The following ATF7IP2 variants were observed in gnomAD, a reference collection of about 807,000 sequenced individuals.
The protein encoded by ATF7IP2 is activating transcription factor 7 interacting protein 2.
A neutral mutation model predicts 64.2 loss-of-function variants in ATF7IP2; 42 were observed. That is an observed-to-expected ratio of 0.65 (90% CI 0.51 to 0.85). The LOEUF is 0.85. Among genes scored for constraint, ATF7IP2 ranks in the 40% least tolerant of loss-of-function variants. ATF7IP2 has a pLI of 0.00. For synonymous variants in ATF7IP2, 308 were observed against 272.8 expected (o/e 1.13, Z -1.27); for missense variants, 933 against 784.2 (o/e 1.19, Z -2.27).
chr16:10,453,034 A>G (rs914208679), intron 8 of ATF7IP2, among the ~76,000 whole-genome samples: 2 of 151,992 alleles, frequency 1.3e-5, no homozygotes, highest in African/African-American at 4.8e-5. Flanking sequence ...TGTGGGTGGG[A>G]CCTGCCGAGC....
intron 12 of ATF7IP2, among the ~76,000 whole-genome samples, chr16:10,475,642 G>A (rs1443442693): frequency 7.2e-5 from 10 of 139,490 alleles, no homozygotes; most frequent in South Asian, 2.3e-4. Flanking sequence ...GCAGTGAGCC[G>A]AGATCGCGCC....
chr16:10,421,468 A>G (rs901890697), intron 3 of ATF7IP2, among the ~76,000 whole-genome samples: 13 of 152,228 alleles, frequency 8.5e-5, no homozygotes, highest in Non-Finnish European at 1.6e-4. Context: ...GAATGCCTAC[A>G]GCAGGTTGTA....
rs114325390 is a variant in ATF7IP2 at position 10,457,745 on chromosome 16, T to C, written c.1352+216T>C. On this transcript the variant is annotated intron_variant, in intron 9 of 13. Transcript: ENST00000562102. ...TTTTTGAGATAGGGTCTCACTTTGT[T>C]GTCCAGGCTGGAGTATAGTGGTACA... is the stretch of plus-strand genomic sequence containing the variant. 4.0e-3 allele frequency: 1,438 copies of C among 361,602 alleles called. 16 individuals are homozygous for C. Among genetic ancestry groups the C allele is most frequent in the African/African-American group, 0.028 (1,304 of 46,678 alleles). The allele number at this position is 361,602 out of a possible 1,614,324, so 22.4% of individuals were successfully genotyped here. A position where few individuals can be genotyped will look rare whatever the true frequency, so the allele number is the denominator to read the frequency against.
chr16:10,449,251 G>A (rs2048908769), intron 8 of ATF7IP2: 1 of 152,176 alleles, frequency 6.6e-6, no homozygotes, highest in African/African-American at 2.4e-5. Flanking sequence ...ATGTTCATCA[G>A]GGATATTGGC....
At chr16:10,429,419 C>T (rs996660749) in intron 4 of ATF7IP2, among the ~76,000 whole-genome samples, 11 of 152,340 alleles carry the variant, frequency 7.2e-5, no homozygotes, top group East Asian at 5.8e-4. Context: ...GGCACGATCT[C>T]GGCTCACTGC....
At chr16:10,452,616 G>C (rs2049021871) in intron 8 of ATF7IP2, among the ~76,000 whole-genome samples, 1 of 152,226 alleles carries the variant, frequency 6.6e-6, no homozygotes, top group South Asian at 2.1e-4. Context: ...CTGACATTTA[G>C]CAGAGCTCAA....
At chr16:10,399,848 T>C (rs2047492460) in intron 1 of ATF7IP2, among the ~76,000 whole-genome samples, 1 of 152,198 alleles carries the variant, frequency 6.6e-6, no homozygotes, top group Non-Finnish European at 1.5e-5. Context: ...TTGTGTCAGC[T>C]ACAATTTCTT....
At chr16:10,441,545 G>A (rs948134004) in intron 8 of ATF7IP2, among the ~76,000 whole-genome samples, 1 of 152,280 alleles carries the variant, frequency 6.6e-6, no homozygotes, top group Non-Finnish European at 1.5e-5. Flanking sequence ...CTGCATAAAT[G>A]TCTTCTTTGG....
intron 1 of ATF7IP2, among the ~76,000 whole-genome samples, chr16:10,409,495 A>ATT (rs35989281): frequency 5.4e-4 from 80 of 149,368 alleles, no homozygotes; most frequent in African/African-American, 8.1e-4. Context: ...TCCTTGATCC[A>ATT]TTTTTTTTTT....
intron 3 of ATF7IP2, among the ~76,000 whole-genome samples, chr16:10,428,255 T>C (rs530983066): frequency 6.6e-6 from 1 of 152,228 alleles, no homozygotes; most frequent in Non-Finnish European, 1.5e-5. Context: ...TTCACTTTAT[T>C]ATACTTTGTA....
At chr16:10,433,177 C>A (rs1313322923) in intron 5 of ATF7IP2, among the ~76,000 whole-genome samples, 1 of 152,010 alleles carries the variant, frequency 6.6e-6, no homozygotes, top group Non-Finnish European at 1.5e-5. Context: ...ATTCCTATTT[C>A]CTTCTCTTTT....
intron 9 of ATF7IP2, among the ~76,000 whole-genome samples, chr16:10,471,501 C>T (rs1429582321): frequency 6.6e-6 from 1 of 152,022 alleles, no homozygotes; most frequent in Admixed American, 6.6e-5. Flanking sequence ...GCACTTCAGC[C>T]TGGGGGACAA....
At chr16:10,392,343 T>TC (rs2047343915) in intron 1 of ATF7IP2, among the ~76,000 whole-genome samples, 2 of 151,736 alleles carry the variant, frequency 1.3e-5, no homozygotes, top group South Asian at 4.2e-4. Flanking sequence ...CTGGCCTTTT[T>TC]TTTTTTTTTT....
At chr16:10,465,443 G>A (rs1044375498) in intron 9 of ATF7IP2, among the ~76,000 whole-genome samples, 1 of 151,834 alleles carries the variant, frequency 6.6e-6, no homozygotes, top group African/African-American at 2.4e-5. Flanking sequence ...CCTCCCAGAT[G>A]TGGTTCATTA....
intron 3 of ATF7IP2, among the ~76,000 whole-genome samples, chr16:10,421,145 T>A (rs572493108): frequency 3.9e-5 from 6 of 152,170 alleles, no homozygotes; most frequent in Non-Finnish European, 7.3e-5. Context: ...AATTTAACAA[T>A]CTGAGTTCTC....
At chr16:10,421,093 GC>G (rs2047980333) in intron 3 of ATF7IP2, among the ~76,000 whole-genome samples, 1 of 152,184 alleles carries the variant, frequency 6.6e-6, no homozygotes, top group Admixed American at 6.5e-5. Flanking sequence ...CTGTATTTGT[GC>G]CTTTGTGAGA....
Position 10,433,661 on chromosome 16 carries a change from G to T in ATF7IP2, c.960+12G>T. ...CATTCCTGGAACAGGTAAAATATTG[G>T]GGCTTAAATGGAACTTTTACTTTTG... On this transcript the variant is annotated intron_variant, in intron 6 of 13. Coordinates refer to ENST00000562102, the MANE Select transcript of ATF7IP2 (RefSeq NM_001393719.1). The T allele has an allele frequency of 6.2e-7, 1 of 1,611,058 alleles. No homozygotes were observed.
chr16:10,476,734 C>T (rs951282373), intron 12 of ATF7IP2, among the ~76,000 whole-genome samples: 1 of 152,168 alleles, frequency 6.6e-6, no homozygotes, highest in Non-Finnish European at 1.5e-5. Flanking sequence ...TTAGCTCCCA[C>T]TTTTAAGTGA....
chr16:10,473,382 G>A, intron 10 of ATF7IP2, 97 bp from the exon 11 acceptor site: 1 of 758,482 alleles, frequency 1.3e-6, no homozygotes, highest in Non-Finnish European at 2.3e-6. Context: ...ATAATTAACA[G>A]CTAATTAGCA....
Sources: gnomAD v4.1 joint callset for allele counts (sites outside exome capture counted in the v4.1 genomes callset) on GRCh38, gnomAD v4.1.1 for gene constraint, MANE v1.5 for transcripts, NCBI Gene and HGNC (gene_info 2026-07-23, HGNC 2026-07-21) for gene names.